INPP4B: variants seen among roughly 807,000 people sequenced by gnomAD.
INPP4B encodes inositol polyphosphate 4-phosphatase type II.
A neutral mutation model predicts 122.5 loss-of-function variants in INPP4B; 55 were observed. The ratio of observed to expected loss-of-function variants is 0.45; its 90% confidence interval spans 0.36 to 0.56. The LOEUF is 0.56. Ranked by LOEUF, INPP4B falls within the 20% of genes least tolerant of loss-of-function variation. The pLI is 0.00. For missense variants in INPP4B, 1,000 were observed against 1,097.7 expected, an observed-to-expected ratio of 0.91 and a Z score of 1.26; for synonymous variants, 403 against 388.7, an observed-to-expected ratio of 1.04 and a Z score of -0.43.
intron 2 of INPP4B, among the ~76,000 whole-genome samples, chr4:142,584,750 G>GT (rs1735808517): frequency 1.3e-5 from 2 of 151,820 alleles, no homozygotes; most frequent in Admixed American, 1.3e-4. Flanking sequence ...CCCTATGGTA[G>GT]TTTTTTGGGG....
At chr4:142,294,851 A>AAAAAAAAAAAAAAAAAG (rs1757959044) in intron 9 of INPP4B, among the ~76,000 whole-genome samples, 1 of 148,094 alleles carries the variant, frequency 6.8e-6, no homozygotes, top group Non-Finnish European at 1.5e-5. Flanking sequence ...AAAAAAAAAA[A>AAAAAAAAAAAAAAAAAG]AAAAAGGCAG....
At chr4:142,083,323 A>G (rs1156711656) in intron 24 of INPP4B, among the ~76,000 whole-genome samples, 5 of 152,114 alleles carry the variant, frequency 3.3e-5, no homozygotes, top group Non-Finnish European at 7.4e-5. Flanking sequence ...GTTTTCCTCT[A>G]TGGTTCTTTC....
Position 142,480,690 on chromosome 4 carries a change from C to T in INPP4B, c.-190-17964G>A, listed in dbSNP as rs564300195. Among the ~76,000 whole-genome samples, 16 of 152,028 alleles carry T rather than the reference C, an allele frequency of 1.1e-4. No individual in the cohort carries two copies. The East Asian group carries it at 1.9e-3, about 18-fold the overall frequency. ...TATCTAAATAATGAAGTGGGTAAAG[C>T]GAATGAGTTGATGATAAATAAGGTC... On this transcript the variant is annotated intron_variant, in intron 2 of 25. Coordinates refer to ENST00000262992, the MANE Select transcript of INPP4B (RefSeq NM_001101669.3).
chr4:142,043,453 A>G (rs1174977284), intron 25 of INPP4B, among the ~76,000 whole-genome samples: 1 of 152,172 alleles, frequency 6.6e-6, no homozygotes, highest in East Asian at 1.9e-4. Flanking sequence ...ATACCAGGGA[A>G]GTTTTCTTAG....
chr4:142,486,531 G>A (rs966827675), intron 2 of INPP4B, among the ~76,000 whole-genome samples: 2 of 151,742 alleles, frequency 1.3e-5, no homozygotes, highest in African/African-American at 4.8e-5. Flanking sequence ...ATATATTTTT[G>A]TCAGAAATAT....
At chr4:142,044,027 C>A (rs1448507901) in intron 25 of INPP4B, among the ~76,000 whole-genome samples, 1 of 151,878 alleles carries the variant, frequency 6.6e-6, no homozygotes, top group East Asian at 1.9e-4. Context: ...GATACAGATT[C>A]TAAAACAGAA....
At chr4:142,185,885 T>TTAAAAA (rs1554000202) in intron 15 of INPP4B, among the ~76,000 whole-genome samples, 23 of 129,840 alleles carry the variant, frequency 1.8e-4, no homozygotes, top group African/African-American at 6.7e-4. Flanking sequence ...TCTCAAAACA[T>TTAAAAA]AAAAAAAAAA....
At chr4:142,763,460 C>T (rs1288921193) in intron 1 of INPP4B, among the ~76,000 whole-genome samples, 2 of 152,066 alleles carry the variant, frequency 1.3e-5, no homozygotes, top group Non-Finnish European at 2.9e-5. Context: ...AAACAAACAA[C>T]AGAACATTGT....
At chr4:142,687,306 C>T (rs1240044828) in intron 2 of INPP4B, among the ~76,000 whole-genome samples, 1 of 151,876 alleles carries the variant, frequency 6.6e-6, no homozygotes, top group Non-Finnish European at 1.5e-5. Context: ...CTTCAGAGCG[C>T]TTTTAAAAAT....
At chr4:142,080,634 T>C (rs1773420180) in intron 25 of INPP4B, among the ~76,000 whole-genome samples, 1 of 152,130 alleles carries the variant, frequency 6.6e-6, no homozygotes, top group Middle Eastern at 3.2e-3. Flanking sequence ...CCAGTAAATA[T>C]ATTGCCTTTA....
chr4:142,111,643 TG>T (rs1333745709), intron 22 of INPP4B, among the ~76,000 whole-genome samples: 3 of 151,380 alleles, frequency 2.0e-5, no homozygotes, highest in African/African-American at 7.3e-5. Context: ...CCACTGACCC[TG>T]GCCTGTTCTA....
intron 2 of INPP4B, among the ~76,000 whole-genome samples, chr4:142,532,501 T>C (rs1327036918): frequency 6.6e-6 from 1 of 152,146 alleles, no homozygotes; most frequent in African/African-American, 2.4e-5. Context: ...GCTTCCCTTT[T>C]TCATAGCACT....
intron 7 of INPP4B, among the ~76,000 whole-genome samples, chr4:142,336,904 T>A (rs1776808088): frequency 6.6e-6 from 1 of 152,236 alleles, no homozygotes; most frequent in Admixed American, 6.5e-5. Flanking sequence ...ACCTCTTTTC[T>A]GAGACTTTCT....
In INPP4B at chr4:142,185,887, A is replaced by AAAC. The variant is rs1282764361; in HGVS notation, c.1181+7199_1181+7200insGTT. On this transcript the variant is annotated intron_variant, in intron 15 of 25. Transcript: ENST00000262992. ...GAGCAAGACACCATCTCAAAACATA[A>AAAC]AAAAAAAAAAAAAAGAAGTCCTCTT... Among the ~76,000 whole-genome samples the AAAC allele has an allele frequency of 2.0e-5, 3 of 150,650 alleles. No homozygotes were observed. The East Asian group carries it at 5.8e-4, about 29-fold the overall frequency.
At chr4:142,145,725 A>G (rs1810333952) in intron 18 of INPP4B, 115 bp downstream of exon 18, 1 of 979,830 alleles carries the variant, frequency 1.0e-6, no homozygotes, top group Non-Finnish European at 1.6e-6. Flanking sequence ...AAAGCATGCT[A>G]TCAGCACTCT....
intron 18 of INPP4B, among the ~76,000 whole-genome samples, chr4:142,130,344 A>C (rs1300521425): frequency 6.6e-6 from 1 of 152,154 alleles, no homozygotes; most frequent in Non-Finnish European, 1.5e-5. Flanking sequence ...AATGACTGAG[A>C]TCACTCAGTG....
chr4:142,745,817 A>G (rs954575960), intron 1 of INPP4B, among the ~76,000 whole-genome samples: 1 of 151,958 alleles, frequency 6.6e-6, no homozygotes, highest in South Asian at 2.1e-4. Context: ...GACAAAATCT[A>G]TTTCAAGAAA....
chr4:142,225,775 T>A (rs1264496141), intron 12 of INPP4B, among the ~76,000 whole-genome samples: 1 of 152,140 alleles, frequency 6.6e-6, no homozygotes, highest in Admixed American at 6.6e-5. Flanking sequence ...TGGGAACTTT[T>A]ATTGGTTATG....
chr4:142,668,126 C>A (rs1580669079), intron 2 of INPP4B, among the ~76,000 whole-genome samples: 1 of 151,928 alleles, frequency 6.6e-6, no homozygotes, highest in Admixed American at 6.6e-5. Context: ...AATGCAAAAA[C>A]CCTCAGTAAA....
Sources: gnomAD v4.1 joint callset for allele counts (sites outside exome capture counted in the v4.1 genomes callset) on GRCh38, gnomAD v4.1.1 for gene constraint, MANE v1.5 for transcripts, NCBI Gene and HGNC (gene_info 2026-07-23, HGNC 2026-07-21) for gene names.